The following PLCB1 variants were observed in gnomAD, a reference collection of about 807,000 sequenced individuals.
PLCB1 encodes phospholipase C beta 1, also known as 1-phosphatidylinositol 4,5-bisphosphate phosphodiesterase beta-1.
Under a neutral mutation model 161.8 loss-of-function variants are expected in PLCB1, and 46 were observed. The ratio of observed to expected loss-of-function variants is 0.28; its 90% CI spans 0.22 to 0.36. The LOEUF (loss-of-function observed/expected upper bound fraction) is 0.36. PLCB1 is among the 10% of genes least tolerant of loss of function. The pLI is 1.00. For missense variants in PLCB1, 1,016 were observed against 1,472.5 expected (o/e 0.69, Z 5.07); for synonymous variants, 517 against 503.7 (o/e 1.03, Z -0.35).
chr20:8,506,681 T>C (rs1469665915), intron 3 of PLCB1, among the ~76,000 whole-genome samples: 1 of 152,180 alleles, frequency 6.6e-6, no homozygotes, highest in Non-Finnish European at 1.5e-5. Context: ...CTAACTGACC[T>C]TAACTAATGT....
chr20:8,204,464 CG>C (rs1978418102), intron 2 of PLCB1, among the ~76,000 whole-genome samples: 1 of 152,058 alleles, frequency 6.6e-6, no homozygotes. Context: ...GCTCCAATCT[CG>C]GGTTGAATTG....
intron 21 of PLCB1, among the ~76,000 whole-genome samples, 167 bp from the exon 22 acceptor site, chr20:8,740,177 G>A (rs1273821618): frequency 6.6e-6 from 1 of 152,150 alleles, no homozygotes; most frequent in East Asian, 1.9e-4. Flanking sequence ...CTTGTCTGAT[G>A]AGAAAAATAA....
rs139014274 is a variant in PLCB1 at position 8,411,432 on chromosome 20, G to C, written c.246+39982G>C. Reference sequence around the variant, plus strand: ...TATAACTCACATATTCTATTAGATAGTGCTACCTAAACAAGAGTGGGAACA... The same window carrying C: ...TATAACTCACATATTCTATTAGATACTGCTACCTAAACAAGAGTGGGAACA... On this transcript the variant is annotated intron_variant, in intron 3 of 31. Transcript: ENST00000338037. 2.3e-3 allele frequency among the ~76,000 whole-genome samples: 352 copies of C among 152,192 alleles called. 2 individuals carry two copies. The highest frequency in any genetic ancestry group is 7.9e-3 in the African/African-American group (328 of 41,522).
intron 2 of PLCB1, among the ~76,000 whole-genome samples, chr20:8,162,439 G>A (rs553888320): frequency 1.3e-5 from 2 of 152,218 alleles, no homozygotes; most frequent in East Asian, 3.9e-4. Context: ...TCAATTTGTA[G>A]GAATCCTTCC....
chr20:8,668,523 C>G (rs1287791751), intron 9 of PLCB1, among the ~76,000 whole-genome samples: 1 of 152,136 alleles, frequency 6.6e-6, no homozygotes, highest in African/African-American at 2.4e-5. Flanking sequence ...AGGGTTTTCC[C>G]AGAAGCCAAC....
intron 25 of PLCB1, among the ~76,000 whole-genome samples, chr20:8,762,144 A>C (rs1366643469): frequency 6.6e-6 from 1 of 152,094 alleles, no homozygotes; most frequent in Non-Finnish European, 1.5e-5. Flanking sequence ...CAGGAGGCGG[A>C]GGTTGCCGTG....
At chr20:8,753,922 C>T (rs1007043607) in intron 23 of PLCB1, among the ~76,000 whole-genome samples, 1 of 152,204 alleles carries the variant, frequency 6.6e-6, no homozygotes, top group Non-Finnish European at 1.5e-5. Flanking sequence ...ATCATTTCCA[C>T]TAACTGCCTA....
chr20:8,785,131 C>A (rs555304875), intron 27 of PLCB1, among the ~76,000 whole-genome samples: 1 of 152,082 alleles, frequency 6.6e-6, no homozygotes, highest in Non-Finnish European at 1.5e-5. Flanking sequence ...CCAGAGTTAT[C>A]TGGGCAGTCA....
intron 26 of PLCB1, among the ~76,000 whole-genome samples, chr20:8,768,162 CT>C (rs1364976758): frequency 6.6e-6 from 1 of 152,144 alleles, no homozygotes; most frequent in Non-Finnish European, 1.5e-5. Context: ...GAGAAGGACT[CT>C]GTCTCAAGAC....
intron 25 of PLCB1, among the ~76,000 whole-genome samples, chr20:8,761,782 C>T (rs6086583): frequency 0.31 from 46,017 of 150,416 alleles, 7,086 homozygotes; most frequent in Middle Eastern, 0.48. Context: ...TTAGTAGAGA[C>T]GGTGATTCGC....
rs6140676 is a variant in PLCB1, at chr20:8,665,693, A to C, written c.862+6989A>C. On this transcript the variant is annotated intron_variant, in intron 9 of 31. Coordinates refer to ENST00000338037, the MANE Select transcript of PLCB1 (RefSeq NM_015192.4). ...TACTTCATTATCACTTCAATTTCCT[A>C]GTAAATTTTTTGAATCATATTTTTC... Among the ~76,000 whole-genome samples the C allele has an allele frequency of 1.6e-4, 25 of 152,300 alleles. No homozygotes were observed. In the East Asian group the frequency reaches 4.4e-3, roughly 27 times the overall value.
chr20:8,850,813 C>A (rs1226473625), intron 31 of PLCB1, among the ~76,000 whole-genome samples: 1 of 152,170 alleles, frequency 6.6e-6, no homozygotes, highest in Non-Finnish European at 1.5e-5. Context: ...AAATAAATTT[C>A]TATTAATTAT....
chr20:8,717,182 G>A (rs1979364132), intron 13 of PLCB1, among the ~76,000 whole-genome samples: 1 of 152,196 alleles, frequency 6.6e-6, no homozygotes, highest in Non-Finnish European at 1.5e-5. Context: ...CCAGGGACGT[G>A]CAGCTAAACT....
chr20:8,464,458 C>T (rs1981723101), intron 3 of PLCB1, among the ~76,000 whole-genome samples: 2 of 152,196 alleles, frequency 1.3e-5, no homozygotes, highest in Non-Finnish European at 2.9e-5. Flanking sequence ...AGCTGTCTCA[C>T]TGTGCTGCCT....
chr20:8,283,435 G>T (rs1029849124), intron 2 of PLCB1, among the ~76,000 whole-genome samples: 5 of 151,094 alleles, frequency 3.3e-5, no homozygotes, highest in African/African-American at 1.2e-4. Flanking sequence ...TTTTTAAAAA[G>T]AATTATACTA....
intron 3 of PLCB1, among the ~76,000 whole-genome samples, chr20:8,381,965 T>C (rs6118187): frequency 0.028 from 4,231 of 152,244 alleles, 201 homozygotes; most frequent in African/African-American, 0.095. Flanking sequence ...AGGTCTGCCC[T>C]GATCTTAGTT....
chr20:8,291,482 G>T (rs1446232768), intron 2 of PLCB1, among the ~76,000 whole-genome samples: 1 of 152,176 alleles, frequency 6.6e-6, no homozygotes, highest in African/African-American at 2.4e-5. Context: ...GGAGCAACTA[G>T]TTATTAATCT....
At chr20:8,448,221 A>G (rs371865198) in intron 3 of PLCB1, among the ~76,000 whole-genome samples, 1 of 152,250 alleles carries the variant, frequency 6.6e-6, no homozygotes, top group Non-Finnish European at 1.5e-5. Flanking sequence ...GCAGGAAAAG[A>G]AACTTCACAG....
At chr20:8,808,566 T>C (rs1165323836) in intron 31 of PLCB1, among the ~76,000 whole-genome samples, 1 of 152,212 alleles carries the variant, frequency 6.6e-6, no homozygotes, top group East Asian at 1.9e-4. Flanking sequence ...GAAGTATATC[T>C]CTCACACATA....
Sources: gnomAD v4.1 joint callset for allele counts (sites outside exome capture counted in the v4.1 genomes callset) on GRCh38, gnomAD v4.1.1 for gene constraint, MANE v1.5 for transcripts, NCBI Gene and HGNC (gene_info 2026-07-23, HGNC 2026-07-21) for gene names.